The following GRIN2B variants were observed in gnomAD, a reference collection of about 807,000 sequenced individuals.
GRIN2B encodes glutamate ionotropic receptor NMDA type subunit 2B.
A neutral mutation model predicts 114.5 loss-of-function variants in GRIN2B; 5 were observed. That is an observed-to-expected ratio of 0.04 (90% CI 0.02 to 0.09). GRIN2B has a LOEUF of 0.09. Ranked by LOEUF, GRIN2B falls within the 10% of genes least tolerant of loss-of-function variation. The pLI is 1.00. For synonymous variants in GRIN2B, 787 were observed against 745.1 expected, an observed-to-expected ratio of 1.06 and a Z score of -0.92; for missense variants, 1,108 against 1,943.5, an observed-to-expected ratio of 0.57 and a Z score of 8.08.
At chr12:13,884,244 CTGT>C (rs1175704739) in intron 2 of GRIN2B, among the ~76,000 whole-genome samples, 1 of 141,040 alleles carries the variant, frequency 7.1e-6, no homozygotes, top group Non-Finnish European at 1.6e-5. Context: ...TTAGAATCAG[CTGT>C]TAATTCCTAC....
intron 4 of GRIN2B, among the ~76,000 whole-genome samples, chr12:13,751,376 G>C (rs1255306606): frequency 6.6e-6 from 1 of 152,184 alleles, no homozygotes; most frequent in African/African-American, 2.4e-5. Context: ...TTGAAAAGCA[G>C]CAGAACTTGG....
At chr12:13,580,955 TA>T (rs1310465705) in intron 10 of GRIN2B, among the ~76,000 whole-genome samples, 1 of 152,232 alleles carries the variant, frequency 6.6e-6, no homozygotes, top group Non-Finnish European at 1.5e-5. Context: ...TTACTTATGA[TA>T]ATGCCTTTGA....
intron 3 of GRIN2B, among the ~76,000 whole-genome samples, chr12:13,773,824 T>G (rs1863952146): frequency 6.6e-6 from 1 of 151,962 alleles, no homozygotes; most frequent in Non-Finnish European, 1.5e-5. Context: ...AGACTAGAGG[T>G]ACATAGAGGG....
intron 3 of GRIN2B, among the ~76,000 whole-genome samples, chr12:13,760,377 T>C (rs1863656723): frequency 6.6e-6 from 1 of 152,224 alleles, no homozygotes; most frequent in African/African-American, 2.4e-5. Flanking sequence ...CTCTCAAATC[T>C]AACCTATCTT....
intron 4 of GRIN2B, among the ~76,000 whole-genome samples, chr12:13,686,261 T>C (rs1950173733): frequency 6.6e-6 from 1 of 152,204 alleles, no homozygotes; most frequent in South Asian, 2.1e-4. Context: ...TAAAATGAGA[T>C]TGACCCTTGA....
rs546019266 is a variant in GRIN2B, at chr12:13,835,113, CTG to C, written c.411+30683_411+30684del. Among the ~76,000 whole-genome samples, 11 of 152,318 alleles carry C rather than the reference CTG, an allele frequency of 7.2e-5. No homozygotes were observed. In the East Asian group the frequency reaches 1.7e-3, roughly 24 times the overall value. Reference sequence around the variant, plus strand: ...TTTCTTTCCCCATTTTTATAACAGACTGTAATTCAACTGGCTCAAAGAGCTAT... The same window carrying C: ...TTTCTTTCCCCATTTTTATAACAGACTAATTCAACTGGCTCAAAGAGCTAT... On this transcript the variant is annotated intron_variant, in intron 3 of 13. Transcript: ENST00000609686.
chr12:13,783,605 C>T (rs1263247594), intron 3 of GRIN2B, among the ~76,000 whole-genome samples: 1 of 152,020 alleles, frequency 6.6e-6, no homozygotes, highest in African/African-American at 2.4e-5. Flanking sequence ...ATCTGGGGCA[C>T]ATGGACAAAG....
At chr12:13,953,743 A>G (rs578019075) in intron 2 of GRIN2B, among the ~76,000 whole-genome samples, 2 of 152,012 alleles carry the variant, frequency 1.3e-5, no homozygotes, top group Non-Finnish European at 2.9e-5. Flanking sequence ...GACAAGTTCT[A>G]CCTTGTTCCC....
At chr12:13,611,606 AG>A in intron 9 of GRIN2B, 118 bp downstream of exon 9, 1 of 991,386 alleles carries the variant, frequency 1.0e-6, no homozygotes, top group Non-Finnish European at 1.6e-6. Context: ...TGTTCACCTG[AG>A]GGTTCCTTTT....
In GRIN2B at chr12:13,551,170, T is replaced by C. The variant is rs552325138; in HGVS notation, c.*11613A>G. The C allele has an allele frequency of 6.6e-6, 1 of 152,232 alleles. No homozygotes were observed. Among genetic ancestry groups the C allele is most frequent in the Middle Eastern group, 3.4e-3 (1 of 294 alleles). 9.4% of individuals were successfully genotyped at this position (152,232 alleles called of 1,614,324 possible). A position where few individuals can be genotyped will look rare whatever the true frequency, so the allele number is the denominator to read the frequency against. On this transcript the variant is annotated 3_prime_UTR_variant, in exon 14 of 14. Coordinates refer to ENST00000609686, the MANE Select transcript of GRIN2B (RefSeq NM_000834.5). Reference sequence around the variant, plus strand: ...ATAAATTATTGAATCCGTGAAGGCATTTATCCCTATTCCTTGAGAATAGGG... The same window carrying C: ...ATAAATTATTGAATCCGTGAAGGCACTTATCCCTATTCCTTGAGAATAGGG...
chr12:13,977,717 C>A (rs1863050781), intron 2 of GRIN2B, among the ~76,000 whole-genome samples: 1 of 152,162 alleles, frequency 6.6e-6, no homozygotes, highest in African/African-American at 2.4e-5. Context: ...CAGAGCACCA[C>A]TGAGTCACAG....
intron 5 of GRIN2B, among the ~76,000 whole-genome samples, chr12:13,650,398 A>C (rs1240815519): frequency 2.0e-5 from 3 of 151,956 alleles, no homozygotes; most frequent in Admixed American, 6.6e-5. Flanking sequence ...CCCTGTCCCC[A>C]TAGTAGGGAC....
At chr12:13,871,175 G>A (rs992447098) in intron 2 of GRIN2B, among the ~76,000 whole-genome samples, 3 of 151,948 alleles carry the variant, frequency 2.0e-5, no homozygotes, top group Admixed American at 2.0e-4. Flanking sequence ...TGAGTTATAA[G>A]TTCGAACTAG....
Position 13,551,641 on chromosome 12 carries a change from T to C in GRIN2B, c.*11142A>G, listed in dbSNP as rs1177359414. ...ATGATTGACATAGGAAATTTGGATCTATTTGTTAAGATTGTGTGTGTGCAT... is the reference window on the plus strand; with the variant it reads ...ATGATTGACATAGGAAATTTGGATCCATTTGTTAAGATTGTGTGTGTGCAT... On this transcript the variant is annotated 3_prime_UTR_variant, in exon 14 of 14. Coordinates refer to ENST00000609686, the MANE Select transcript of GRIN2B (RefSeq NM_000834.5). The C allele has an allele frequency of 3.3e-5, 5 of 152,218 alleles. No individual in the cohort carries two copies. Among genetic ancestry groups the C allele is most frequent in the Non-Finnish European group, 7.3e-5 (5 of 68,030 alleles). 9.4% of individuals were successfully genotyped at this position (152,218 alleles called of 1,614,324 possible).
At chr12:13,578,813 T>C (rs1027350952) in intron 10 of GRIN2B, among the ~76,000 whole-genome samples, 1 of 152,112 alleles carries the variant, frequency 6.6e-6, no homozygotes, top group Non-Finnish European at 1.5e-5. Context: ...CTGGCTGTCC[T>C]GAAAAGGCCT....
intron 4 of GRIN2B, among the ~76,000 whole-genome samples, chr12:13,719,019 A>G (rs892539004): frequency 6.6e-5 from 10 of 152,060 alleles, no homozygotes; most frequent in Admixed American, 3.9e-4. Flanking sequence ...GTAAGAGGCC[A>G]TCATCCACCC....
intron 10 of GRIN2B, among the ~76,000 whole-genome samples, chr12:13,581,957 C>G (rs1457967399): frequency 1.3e-5 from 2 of 149,304 alleles, no homozygotes; most frequent in Non-Finnish European, 3.0e-5. Context: ...TAAGTAAACA[C>G]ATGGGTTATG....
chr12:13,763,012 G>A (rs1565528487), intron 3 of GRIN2B, among the ~76,000 whole-genome samples: 2 of 151,822 alleles, frequency 1.3e-5, no homozygotes, highest in Non-Finnish European at 2.9e-5. Context: ...CAATCAAAGA[G>A]GCTTTGAATT....
chr12:13,611,494 G>A (rs984127091), intron 9 of GRIN2B, among the ~76,000 whole-genome samples: 1 of 152,174 alleles, frequency 6.6e-6, no homozygotes, highest in African/African-American at 2.4e-5. Flanking sequence ...TTACTTGGGA[G>A]TGAAACTAGG....
Sources: gnomAD v4.1 joint callset for allele counts (sites outside exome capture counted in the v4.1 genomes callset) on GRCh38, gnomAD v4.1.1 for gene constraint, MANE v1.5 for transcripts, NCBI Gene and HGNC (gene_info 2026-07-23, HGNC 2026-07-21) for gene names.